CACNG4: variants seen among roughly 807,000 people sequenced by gnomAD.
The protein encoded by CACNG4 is calcium voltage-gated channel auxiliary subunit gamma 4.
Under a neutral mutation model 22.9 loss-of-function variants are expected in CACNG4, and 8 were observed. The ratio of observed to expected loss-of-function variants is 0.35; its 90% CI spans 0.21 to 0.63. The LOEUF (loss-of-function observed/expected upper bound fraction) is 0.63, where lower values mean the gene tolerates loss of function less well. Ranked by LOEUF, CACNG4 falls within the 30% of genes least tolerant of loss-of-function variation. CACNG4 has a pLI of 0.72. For synonymous variants in CACNG4, 188 were observed against 191.9 expected (o/e 0.98, Z 0.17); for missense variants, 357 against 455.4 (o/e 0.78, Z 1.97).
chr17:66,973,994 A>C (rs1458859874), intron 1 of CACNG4, among the ~76,000 whole-genome samples: 3 of 152,262 alleles, frequency 2.0e-5, no homozygotes, highest in Non-Finnish European at 4.4e-5. Context: ...CTTCCAATGA[A>C]AAACTTTTCA....
In CACNG4 at chr17:66,984,042, C is replaced by T. The variant is rs1159973989; in HGVS notation, c.220+18911C>T. The stretch of plus-strand genomic sequence containing the variant: ...CGGGTGTAGACACATGTTCATCTAA[C>T]TGCACCCTTAGGATTACTCTCTGTA... On this transcript the variant is annotated intron_variant, in intron 1 of 3. Transcript: ENST00000262138. This position sits in a 1 kb window ranked among gnomAD's most constrained non-coding sequence, Gnocchi z 4.0. Among the ~76,000 whole-genome samples the T allele has an allele frequency of 6.6e-6, 1 of 152,180 alleles. No homozygotes were observed. Among genetic ancestry groups the T allele is most frequent in the Admixed American group, 6.5e-5 (1 of 15,274 alleles).
chr17:66,992,494 C>T (rs952337129), intron 1 of CACNG4, among the ~76,000 whole-genome samples: 2 of 152,328 alleles, frequency 1.3e-5, no homozygotes, highest in East Asian at 1.9e-4. Flanking sequence ...TGGCACTACC[C>T]ACCAGCACAC....
intron 1 of CACNG4, among the ~76,000 whole-genome samples, chr17:66,988,789 T>C (rs1289803183): frequency 6.6e-6 from 1 of 152,162 alleles, no homozygotes; most frequent in Non-Finnish European, 1.5e-5. Flanking sequence ...CAGGGCGCGG[T>C]GGCTCACGCC....
At position 66,964,883 on chromosome 17, in the gene CACNG4, G is replaced by A. The variant is rs1471818128; in HGVS notation, c.-29G>A. 1.3e-5 allele frequency: 16 copies of A among 1,256,226 alleles called. No homozygotes were observed. The highest frequency in any genetic ancestry group is 6.5e-5 in the Admixed American group (2 of 30,916). 77.8% of individuals were successfully genotyped at this position (1,256,226 alleles called of 1,614,324 possible). A position where few individuals can be genotyped will look rare whatever the true frequency, so the allele number is the denominator to read the frequency against. On this transcript the variant is annotated 5_prime_UTR_variant, in exon 1 of 4. Coordinates refer to ENST00000262138, the MANE Select transcript of CACNG4 (RefSeq NM_014405.4). ...GCGGGCGGGCGCGGCGGGCCGGGCC[G>A]GCGGGCGGCGGACTATGAGGCGCCC...
chr17:66,992,850 G>C (rs1273848843), intron 1 of CACNG4, among the ~76,000 whole-genome samples: 1 of 152,254 alleles, frequency 6.6e-6, no homozygotes, highest in East Asian at 1.9e-4. Context: ...GGGCCTGTCT[G>C]CTTACACAAA....
At chr17:67,009,871 A>G (rs2035459092) in intron 1 of CACNG4, among the ~76,000 whole-genome samples, 1 of 152,148 alleles carries the variant, frequency 6.6e-6, no homozygotes, top group African/African-American at 2.4e-5. Flanking sequence ...GGAGTTCAGC[A>G]TATGAATTTG....
At chr17:67,017,738 G>A (rs565167943) in intron 1 of CACNG4, among the ~76,000 whole-genome samples, 2 of 151,904 alleles carry the variant, frequency 1.3e-5, no homozygotes, top group East Asian at 2.0e-4. Context: ...GGATGGTCTC[G>A]ATCTTCTGAC....
At chr17:66,996,009 T>A (rs1311227045) in intron 1 of CACNG4, among the ~76,000 whole-genome samples, 1 of 152,148 alleles carries the variant, frequency 6.6e-6, no homozygotes, top group Non-Finnish European at 1.5e-5. Context: ...CAAACCCTGG[T>A]TTTGAGTGTG....
intron 1 of CACNG4, among the ~76,000 whole-genome samples, chr17:66,976,085 ACCTGCCGAGAGC>A (rs2143281122): frequency 6.6e-6 from 1 of 152,174 alleles, no homozygotes; most frequent in African/African-American, 2.4e-5. Flanking sequence ...ACTTACCGAC[ACCTGCCGAGAGC>A]CCTGCCGCGT....
chr17:66,966,182 C>T (rs1228654707), intron 1 of CACNG4, among the ~76,000 whole-genome samples: 3 of 152,080 alleles, frequency 2.0e-5, no homozygotes, highest in Admixed American at 6.6e-5. Flanking sequence ...CGGCGCCTTC[C>T]GGGCGCCCTT....
At chr17:67,001,716 A>C (rs947969631) in intron 1 of CACNG4, among the ~76,000 whole-genome samples, 4 of 152,258 alleles carry the variant, frequency 2.6e-5, no homozygotes, top group Non-Finnish European at 5.9e-5. Flanking sequence ...CCAAGTCTGC[A>C]GCTGCTCTTC....
At chr17:67,024,544 T>G (rs1382743837) in intron 2 of CACNG4, among the ~76,000 whole-genome samples, 2 of 152,182 alleles carry the variant, frequency 1.3e-5, no homozygotes, top group East Asian at 3.9e-4. Context: ...GCCACAAAAA[T>G]GTGATGCGGT....
rs748633498 is a variant in CACNG4, at chr17:66,984,824, G to A, written c.220+19693G>A. Reference sequence around the variant, plus strand: ...CAGGGGCAGAGTTTGACTTGAACCCGAGCCTGAGTTTAGCCTCGAGCCTGA... The same window carrying A: ...CAGGGGCAGAGTTTGACTTGAACCCAAGCCTGAGTTTAGCCTCGAGCCTGA... On this transcript the variant is annotated intron_variant, in intron 1 of 3. Coordinates refer to ENST00000262138, the MANE Select transcript of CACNG4 (RefSeq NM_014405.4). The surrounding 1 kb of genome is among the most constrained non-coding windows in gnomAD (Gnocchi z 4.0). 2.0e-5 allele frequency among the ~76,000 whole-genome samples: 3 copies of A among 152,090 alleles called. No homozygotes were observed. Among genetic ancestry groups the A allele is most frequent in the Non-Finnish European group, 2.9e-5 (2 of 68,014 alleles).
chr17:66,989,713 G>A (rs1343411969), intron 1 of CACNG4, among the ~76,000 whole-genome samples: 1 of 151,454 alleles, frequency 6.6e-6, no homozygotes, highest in Non-Finnish European at 1.5e-5. Context: ...TCAAATAAAA[G>A]AAAGTTGATT....
At chr17:67,006,055 G>A (rs2143334315) in intron 1 of CACNG4, among the ~76,000 whole-genome samples, 1 of 152,310 alleles carries the variant, frequency 6.6e-6, no homozygotes, top group Admixed American at 6.5e-5. Flanking sequence ...GGCAGCCTCA[G>A]GAAGCTGCCA....
chr17:67,018,750 A>T (rs2035515263), intron 2 of CACNG4, among the ~76,000 whole-genome samples: 1 of 152,136 alleles, frequency 6.6e-6, no homozygotes, highest in Non-Finnish European at 1.5e-5. Flanking sequence ...ACACCAAGAC[A>T]GCCTCTTGGG....
chr17:67,002,618 T>TTCTCTC (rs58727233), intron 1 of CACNG4, among the ~76,000 whole-genome samples: 3,071 of 145,496 alleles, frequency 0.021, 37 homozygotes, highest in Admixed American at 0.026. Flanking sequence ...ATCTCTCTCT[T>TTCTCTC]TCTCTCTCTC....
intron 3 of CACNG4, among the ~76,000 whole-genome samples, chr17:67,025,905 C>T (rs1045899786): frequency 3.3e-5 from 5 of 152,202 alleles, no homozygotes; most frequent in Non-Finnish European, 7.3e-5. Context: ...GTGCCGGGCC[C>T]CGGTTCTACA....
chr17:66,996,147 G>A (rs1342054856), intron 1 of CACNG4, among the ~76,000 whole-genome samples: 1 of 152,126 alleles, frequency 6.6e-6, no homozygotes, highest in Non-Finnish European at 1.5e-5. Context: ...TTGTGGATGG[G>A]GCACCGCATG....
Sources: allele counts gnomAD v4.1 joint callset (sites outside exome capture counted in the v4.1 genomes callset), GRCh38; gene constraint gnomAD v4.1.1; non-coding constraint Gnocchi (gnomAD v3.1); transcripts MANE v1.5; gene names NCBI Gene and HGNC (gene_info 2026-07-23, HGNC 2026-07-21).